The following XRCC4 variants were observed in gnomAD, a reference collection of about 807,000 sequenced individuals.
XRCC4 encodes X-ray repair cross complementing 4.
Under a neutral mutation model 39.1 loss-of-function variants are expected in XRCC4, and 28 were observed. That is an observed-to-expected ratio of 0.72 (90% confidence interval 0.53 to 0.98). The LOEUF (loss-of-function observed/expected upper bound fraction) is 0.98, where lower values mean the gene tolerates loss of function less well. Among genes scored for constraint, XRCC4 ranks in the 50% least tolerant of loss-of-function variants. The probability of loss-of-function intolerance (pLI) is 0.00; values close to 1 mark genes in which losing one functional copy is unlikely to be tolerated. For synonymous variants in XRCC4, 123 were observed against 126.4 expected (o/e 0.97, Z 0.18); for missense variants, 350 against 376.4 (o/e 0.93, Z 0.58).
At chr5:83,361,623 C>CT in the XRCC4 span, among the ~76,000 whole-genome samples, 2,148 of 144,742 alleles carry the variant, frequency 0.015, 34 homozygotes, top group African/African-American at 0.044. Flanking sequence ...TTTTATTTTT[C>CT]TTTTTTTTTT....
At chr5:83,289,661 T>C (rs775623314) in intron 7 of XRCC4, among the ~76,000 whole-genome samples, 6 of 151,872 alleles carry the variant, frequency 4.0e-5, no homozygotes, top group Non-Finnish European at 8.8e-5. Flanking sequence ...GTCTTTTAGC[T>C]GACCTGTACC....
intron 1 of XRCC4, among the ~76,000 whole-genome samples, chr5:83,081,271 T>A (rs192676368): frequency 6.6e-6 from 1 of 152,340 alleles, no homozygotes; most frequent in East Asian, 1.9e-4. Flanking sequence ...ACCTTTTACA[T>A]TACCTACCTT....
intron 7 of XRCC4, among the ~76,000 whole-genome samples, chr5:83,346,918 CTT>C (rs1242934716): frequency 6.6e-6 from 1 of 152,134 alleles, no homozygotes; most frequent in African/African-American, 2.4e-5. Context: ...TCCATTAAAA[CTT>C]TAGATACAGG....
intron 7 of XRCC4, among the ~76,000 whole-genome samples, chr5:83,327,418 G>C (rs1322534914): frequency 6.6e-6 from 1 of 151,930 alleles, no homozygotes; most frequent in East Asian, 1.9e-4. Context: ...ATGTACCACA[G>C]TTTGTTCATC....
At position 83,337,765 on chromosome 5, in the gene XRCC4, C is replaced by T. The variant is rs1447771429; in HGVS notation, c.894-15366C>T. 2.0e-5 allele frequency among the ~76,000 whole-genome samples: 3 copies of T among 152,156 alleles called. No homozygotes were observed. The East Asian group carries it at 5.8e-4, about 29-fold the overall frequency. On this transcript the variant is annotated intron_variant, in intron 7 of 7. Coordinates refer to ENST00000396027, the MANE Select transcript of XRCC4 (RefSeq NM_003401.5). ...CCACTAAGTTTGGAGTGGTTTATTACACAACTGTGATTACTGGAACAAAGA... is the reference window on the plus strand; with the variant it reads ...CCACTAAGTTTGGAGTGGTTTATTATACAACTGTGATTACTGGAACAAAGA...
intron 7 of XRCC4, among the ~76,000 whole-genome samples, chr5:83,300,224 C>G (rs1402332584): frequency 2.0e-5 from 3 of 152,246 alleles, no homozygotes; most frequent in Non-Finnish European, 2.9e-5. Context: ...AGACTCTCCA[C>G]TTTAGACAGG....
intron 7 of XRCC4, among the ~76,000 whole-genome samples, chr5:83,299,922 G>T (rs1233249624): frequency 6.6e-6 from 1 of 151,982 alleles, no homozygotes; most frequent in Non-Finnish European, 1.5e-5. Context: ...TATGTGCTTT[G>T]CCTCTTTATG....
At chr5:83,336,147 T>C (rs1756587579) in intron 7 of XRCC4, among the ~76,000 whole-genome samples, 1 of 152,160 alleles carries the variant, frequency 6.6e-6, no homozygotes, top group Non-Finnish European at 1.5e-5. Context: ...TTTAGCCATT[T>C]AAAACATTAA....
intron 6 of XRCC4, 143 bp from the exon 7 acceptor site, chr5:83,258,387 C>A: frequency 2.0e-6 from 2 of 989,890 alleles, no homozygotes; most frequent in South Asian, 1.6e-5. Flanking sequence ...TGACTTGATT[C>A]AACAAATCTG....
intron 6 of XRCC4, among the ~76,000 whole-genome samples, chr5:83,226,514 C>T (rs932354719): frequency 1.6e-4 from 24 of 152,054 alleles, no homozygotes; most frequent in African/African-American, 5.8e-4. Context: ...TCTAGATACA[C>T]AGGTCTACTC....
At chr5:83,121,239 A>C (rs1473166695) in intron 3 of XRCC4, among the ~76,000 whole-genome samples, 1 of 152,232 alleles carries the variant, frequency 6.6e-6, no homozygotes, top group African/African-American at 2.4e-5. Flanking sequence ...TAACCAATAA[A>C]GCTGCTATGA....
intron 6 of XRCC4, among the ~76,000 whole-genome samples, chr5:83,237,932 TTAAA>T (rs1486326923): frequency 1.3e-5 from 2 of 152,108 alleles, no homozygotes; most frequent in African/African-American, 4.8e-5. Context: ...TCAAAAAAAT[TTAAA>T]TAAAATATGG....
chr5:83,306,129 C>A lies in XRCC4; in HGVS notation c.894-47002C>A, dbSNP rs1310359298. Among the ~76,000 whole-genome samples the A allele has an allele frequency of 6.8e-5, 4 of 58,690 alleles. No individual in the cohort carries two copies. The East Asian group carries it at 2.1e-3, about 31-fold the overall frequency. The allele number at this position is 58,690 out of a possible 152,430, so 38.5% of individuals were successfully genotyped here. A position where few individuals can be genotyped will look rare whatever the true frequency, so the allele number is the denominator to read the frequency against. Reference sequence around the variant, plus strand: ...TTAGTGAATTCTCTACTGAAGGTTGCAGATTTCTAGTGAATAGAAACATGT... The same window carrying A: ...TTAGTGAATTCTCTACTGAAGGTTGAAGATTTCTAGTGAATAGAAACATGT... On this transcript the variant is annotated intron_variant, in intron 7 of 7. Transcript: ENST00000396027.
At chr5:83,200,461 A>G (rs1463678596) in intron 4 of XRCC4, among the ~76,000 whole-genome samples, 2 of 152,342 alleles carry the variant, frequency 1.3e-5, no homozygotes, top group East Asian at 3.9e-4. Context: ...CTTTGACAAC[A>G]TAGATCTGAT....
At chr5:83,144,594 A>C (rs1485896418) in intron 3 of XRCC4, among the ~76,000 whole-genome samples, 1 of 108,666 alleles carries the variant, frequency 9.2e-6, no homozygotes, top group African/African-American at 3.7e-5. Flanking sequence ...AGCTTCTTGA[A>C]TCTATGAATG....
At chr5:83,180,952 CATG>C (rs1449769062) in intron 3 of XRCC4, among the ~76,000 whole-genome samples, 4 of 151,304 alleles carry the variant, frequency 2.6e-5, no homozygotes, top group Non-Finnish European at 4.4e-5. Context: ...GTTATGTATG[CATG>C]ATAATTTAAA....
chr5:83,130,604 T>G lies in XRCC4; in HGVS notation c.315+19401T>G, dbSNP rs1747522992. ...GCTGTGAATCCATCTGGTCCTGGACTTTTTTTGGTTGGTAGGCTATTAATT... is the reference window on the plus strand; with the variant it reads ...GCTGTGAATCCATCTGGTCCTGGACGTTTTTTGGTTGGTAGGCTATTAATT... On this transcript the variant is annotated intron_variant, in intron 3 of 7. Coordinates refer to ENST00000396027, the MANE Select transcript of XRCC4 (RefSeq NM_003401.5). 1.3e-5 allele frequency among the ~76,000 whole-genome samples: 2 copies of G among 152,254 alleles called. 1 individual carries two copies. Among genetic ancestry groups the G allele is most frequent in the South Asian group, 4.1e-4 (2 of 4,820 alleles).
At chr5:83,106,254 A>G (rs1044070914) in intron 2 of XRCC4, among the ~76,000 whole-genome samples, 3 of 152,124 alleles carry the variant, frequency 2.0e-5, no homozygotes, top group Non-Finnish European at 2.9e-5. Context: ...TGAAGAGTGT[A>G]TAAGGCTAAA....
chr5:83,326,441 GA>G (rs1166382608), intron 7 of XRCC4, among the ~76,000 whole-genome samples: 1 of 151,930 alleles, frequency 6.6e-6, no homozygotes, highest in Admixed American at 6.6e-5. Context: ...CTAGTTTATT[GA>G]GAGTTTGTAA....
Sources: gnomAD v4.1 joint callset for allele counts (sites outside exome capture counted in the v4.1 genomes callset) on GRCh38, gnomAD v4.1.1 for gene constraint, MANE v1.5 for transcripts, NCBI Gene and HGNC (gene_info 2026-07-23, HGNC 2026-07-21) for gene names.